The following LRP1B variants were observed in gnomAD, a reference collection of about 807,000 sequenced individuals.
The protein encoded by LRP1B is LDL receptor related protein 1B.
Under a neutral mutation model 556.6 loss-of-function variants are expected in LRP1B, and 217 were observed. That is an observed-to-expected ratio of 0.39 (90% CI 0.35 to 0.44). LRP1B has a LOEUF of 0.44. LRP1B is among the 20% of genes least tolerant of loss of function. The pLI, the probability that LRP1B is intolerant of heterozygous loss-of-function variation, is 1.00. For synonymous variants in LRP1B, 2,047 were observed against 1,865.8 expected (o/e 1.10, Z -2.50); for missense variants, 5,053 against 5,620.8 (o/e 0.90, Z 3.23).
At chr2:140,470,082 G>A (rs1267713154) in intron 60 of LRP1B, among the ~76,000 whole-genome samples, 3 of 152,118 alleles carry the variant, frequency 2.0e-5, no homozygotes, top group African/African-American at 7.2e-5. Flanking sequence ...AATGTCTGTT[G>A]AAAGACAAAA....
rs1553521835 is a variant in LRP1B at position 140,748,442 on chromosome 2, T to TATATA, written c.5758+20770_5758+20771insTATAT. ...AATATATATTATATTTATATATATA[T>TATATA]TATATATATATATACACACACATAG... On this transcript the variant is annotated intron_variant, in intron 35 of 90. Transcript: ENST00000389484. Among the ~76,000 whole-genome samples, 5 of 109,980 alleles carry TATATA rather than the reference T, an allele frequency of 4.5e-5. No homozygotes were observed. The East Asian group carries it at 7.8e-4, about 17-fold the overall frequency. 72.2% of individuals were successfully genotyped at this position (109,980 alleles called of 152,430 possible).
intron 2 of LRP1B, among the ~76,000 whole-genome samples, chr2:141,583,906 A>ATTTTTTTTTTTTTTTTTTTTTTT (rs113916906): frequency 1.4e-5 from 2 of 145,482 alleles, no homozygotes; most frequent in Admixed American, 6.9e-5. Context: ...TGCCCGGCTA[A>ATTTTTTTTTTTTTTTTTTTTTTT]TTTTTTTTTT....
chr2:141,297,204 T>G (rs1558989013), intron 3 of LRP1B, among the ~76,000 whole-genome samples: 1 of 152,180 alleles, frequency 6.6e-6, no homozygotes, highest in South Asian at 2.1e-4. Context: ...CAATTTATTT[T>G]CCTTTGGGTA....
chr2:141,663,920 C>CAAAAAAA (rs796406816), intron 2 of LRP1B, among the ~76,000 whole-genome samples: 14 of 113,272 alleles, frequency 1.2e-4, no homozygotes, highest in East Asian at 8.6e-4. Flanking sequence ...AGAGATACAT[C>CAAAAAAA]AAAAAAAAAA....
chr2:141,464,513 C>T (rs1184923901), intron 3 of LRP1B, among the ~76,000 whole-genome samples: 3 of 148,868 alleles, frequency 2.0e-5, no homozygotes, highest in East Asian at 2.0e-4. Flanking sequence ...CCCGGGTTCA[C>T]GCCATTCTCC....
chr2:140,755,946 T>C (rs116590285), intron 35 of LRP1B, among the ~76,000 whole-genome samples: 1,919 of 152,078 alleles, frequency 0.013, 37 homozygotes, highest in African/African-American at 0.044. Context: ...GATGATCTTG[T>C]ATAGAGAAAA....
intron 84 of LRP1B, among the ~76,000 whole-genome samples, chr2:140,282,614 A>G (rs1682962686): frequency 6.6e-6 from 1 of 151,752 alleles, no homozygotes; most frequent in Non-Finnish European, 1.5e-5. Flanking sequence ...AGCAGTTGGA[A>G]TATTAAAGGA....
intron 2 of LRP1B, among the ~76,000 whole-genome samples, chr2:141,651,363 TAA>T (rs1689783043): frequency 6.6e-6 from 1 of 152,142 alleles, no homozygotes; most frequent in Admixed American, 6.5e-5. Flanking sequence ...ATTTTTAGCA[TAA>T]AAGTATTTTA....
chr2:141,027,716 T>A (rs935076353), intron 11 of LRP1B, among the ~76,000 whole-genome samples: 3 of 152,164 alleles, frequency 2.0e-5, no homozygotes, highest in African/African-American at 7.2e-5. Context: ...AATGTTTGTG[T>A]CCTCCTAATT....
intron 52 of LRP1B, among the ~76,000 whole-genome samples, chr2:140,508,366 G>T (rs1249408750): frequency 6.6e-6 from 1 of 152,024 alleles, no homozygotes; most frequent in Non-Finnish European, 1.5e-5. Context: ...TTAAGATACA[G>T]GTATTATCAT....
At chr2:141,197,255 CT>C (rs1290757662) in intron 6 of LRP1B, among the ~76,000 whole-genome samples, 1 of 152,122 alleles carries the variant, frequency 6.6e-6, no homozygotes, top group Non-Finnish European at 1.5e-5. Context: ...AAAACAGGCT[CT>C]AAGCTAATCC....
At chr2:140,753,848 A>T (rs1688660433) in intron 35 of LRP1B, among the ~76,000 whole-genome samples, 1 of 152,152 alleles carries the variant, frequency 6.6e-6, no homozygotes, top group African/African-American at 2.4e-5. Flanking sequence ...TAAATTGCTG[A>T]GCCTAAACTT....
intron 43 of LRP1B, among the ~76,000 whole-genome samples, chr2:140,567,103 C>A (rs1332270434): frequency 3.9e-5 from 6 of 152,112 alleles, no homozygotes; most frequent in African/African-American, 7.2e-5. Context: ...AGACACCCTG[C>A]CCCATAAGAC....
chr2:141,192,242 G>A (rs745427952), intron 6 of LRP1B, among the ~76,000 whole-genome samples: 16 of 151,770 alleles, frequency 1.1e-4, no homozygotes, highest in African/African-American at 3.4e-4. Flanking sequence ...ATGGATGAAC[G>A]GATAAATTTG....
chr2:140,804,047 G>A (rs2105015076), intron 32 of LRP1B, among the ~76,000 whole-genome samples: 1 of 149,060 alleles, frequency 6.7e-6, no homozygotes, highest in South Asian at 2.2e-4. Context: ...TTACATTCAG[G>A]GGAAGAGAGA....
At chr2:140,738,473 C>G (rs1178275475) in intron 35 of LRP1B, among the ~76,000 whole-genome samples, 1 of 152,064 alleles carries the variant, frequency 6.6e-6, no homozygotes, top group Admixed American at 6.6e-5. Context: ...GAGAGCGTAA[C>G]TAACTGAATC....
intron 7 of LRP1B, among the ~76,000 whole-genome samples, chr2:141,076,677 C>T (rs1699794348): frequency 6.6e-6 from 1 of 152,120 alleles, no homozygotes; most frequent in African/African-American, 2.4e-5. Context: ...ATATTAGAAA[C>T]ATTTTTTAAC....
At chr2:141,062,404 C>T (rs1699360672) in intron 7 of LRP1B, 131 bp from the exon 8 acceptor site, 4 of 610,464 alleles carry the variant, frequency 6.6e-6, no homozygotes, top group East Asian at 2.8e-5. Flanking sequence ...TTCATATAAC[C>T]ATTTCCTTAT....
At chr2:141,352,513 G>C (rs116434868) in intron 3 of LRP1B, among the ~76,000 whole-genome samples, 3,611 of 151,770 alleles carry the variant, frequency 0.024, 152 homozygotes, top group African/African-American at 0.08. Flanking sequence ...GCACCTTTTG[G>C]TTCTCAGAAA....
Sources: allele counts gnomAD v4.1 joint callset (sites outside exome capture counted in the v4.1 genomes callset), GRCh38; gene constraint gnomAD v4.1.1; transcripts MANE v1.5; gene names NCBI Gene and HGNC (gene_info 2026-07-23, HGNC 2026-07-21).